The following MDGA2 variants were observed in gnomAD, a reference collection of about 807,000 sequenced individuals.
The protein encoded by MDGA2 is MAM domain containing glycosylphosphatidylinositol anchor 2.
MDGA2 carries 40 observed loss-of-function variants against 117.8 expected under a neutral mutation model. The ratio of observed to expected loss-of-function variants is 0.34; its 90% CI spans 0.26 to 0.44. MDGA2 has a LOEUF of 0.44. MDGA2 is among the 20% of genes least tolerant of loss of function. The pLI, the probability that MDGA2 is intolerant of heterozygous loss-of-function variation, is 1.00. For missense variants in MDGA2, 1,123 were observed against 1,250.6 expected, an observed-to-expected ratio of 0.90 and a Z score of 1.54; for synonymous variants, 452 against 439.0, an observed-to-expected ratio of 1.03 and a Z score of -0.37.
intron 1 of MDGA2, among the ~76,000 whole-genome samples, chr14:47,455,146 G>A (rs535155150): frequency 4.0e-4 from 61 of 152,298 alleles, no homozygotes; most frequent in Non-Finnish European, 7.4e-4. Flanking sequence ...TAACATTTCT[G>A]TTGTACAAAA....
In MDGA2 at chr14:47,005,560, G is replaced by A. The variant is rs867299733; in HGVS notation, c.1819+29451C>T. Among the ~76,000 whole-genome samples the A allele has an allele frequency of 2.6e-5, 4 of 151,428 alleles. No homozygotes were observed. In the South Asian group the frequency reaches 6.2e-4, roughly 24 times the overall value. Reference sequence around the variant, plus strand: ...TCCATGTTCATGAAGGATTTTGGTTGGTAGGGATTTTTTTACATTCTTGTA... The same window carrying A: ...TCCATGTTCATGAAGGATTTTGGTTAGTAGGGATTTTTTTACATTCTTGTA... On this transcript the variant is annotated intron_variant, in intron 8 of 16. Coordinates refer to ENST00000399232, the MANE Select transcript of MDGA2 (RefSeq NM_001113498.3).
chr14:46,896,349 A>G (rs1431446355), intron 10 of MDGA2, among the ~76,000 whole-genome samples: 1 of 152,184 alleles, frequency 6.6e-6, no homozygotes, highest in Non-Finnish European at 1.5e-5. Flanking sequence ...GTGAATACTT[A>G]CACAAATGTA....
At chr14:47,196,795 C>A (rs1885303373) in intron 3 of MDGA2, among the ~76,000 whole-genome samples, 1 of 152,138 alleles carries the variant, frequency 6.6e-6, no homozygotes, top group South Asian at 2.1e-4. Flanking sequence ...TAATAGGTAG[C>A]CTTTCAATGC....
At chr14:47,109,494 A>T (rs1204890261) in intron 5 of MDGA2, among the ~76,000 whole-genome samples, 1 of 152,150 alleles carries the variant, frequency 6.6e-6, no homozygotes, top group Non-Finnish European at 1.5e-5. Context: ...TCAGAGTAAA[A>T]AGGGTAGTGT....
intron 8 of MDGA2, among the ~76,000 whole-genome samples, chr14:46,990,906 C>T (rs922286454): frequency 1.0e-4 from 15 of 148,972 alleles, no homozygotes; most frequent in South Asian, 2.1e-4. Flanking sequence ...ACACACCCCG[C>T]GTAAGACACA....
At chr14:46,952,164 T>C (rs948136501) in intron 9 of MDGA2, among the ~76,000 whole-genome samples, 1 of 151,718 alleles carries the variant, frequency 6.6e-6, no homozygotes, top group Non-Finnish European at 1.5e-5. Context: ...TTAATCTTCT[T>C]AAAATAAAAT....
Position 47,675,042 on chromosome 14 carries a change from G to T in MDGA2, c.-246C>A. The T allele has an allele frequency of 5.6e-6, 1 of 178,216 alleles. No homozygotes were observed. Among genetic ancestry groups the T allele is most frequent in the Non-Finnish European group, 1.2e-5 (1 of 86,470 alleles). 11.0% of individuals were successfully genotyped at this position (178,216 alleles called of 1,614,324 possible). ...GGCGGCGGGCGCGGGCAGGGGGCCG[G>T]GGGTGCCGCGCGGTAGGAGCCTGGC... is the stretch of plus-strand genomic sequence containing the variant. On this transcript the variant is annotated 5_prime_UTR_variant, in exon 1 of 17. Transcript: ENST00000399232.
intron 1 of MDGA2, among the ~76,000 whole-genome samples, chr14:47,606,179 C>G (rs1020913779): frequency 5.3e-5 from 8 of 152,186 alleles, no homozygotes; most frequent in Non-Finnish European, 1.2e-4. Flanking sequence ...CCTTTCCATA[C>G]TCACTATTAT....
At chr14:47,528,092 A>G (rs1314031665) in intron 1 of MDGA2, among the ~76,000 whole-genome samples, 7 of 152,188 alleles carry the variant, frequency 4.6e-5, no homozygotes, top group Non-Finnish European at 1.0e-4. Context: ...TCCACATTTC[A>G]GAGCAAGCAC....
intron 1 of MDGA2, among the ~76,000 whole-genome samples, chr14:47,329,670 GA>G (rs1338941086): frequency 2.6e-5 from 4 of 151,786 alleles, no homozygotes; most frequent in Non-Finnish European, 5.9e-5. Flanking sequence ...TGAATACTTG[GA>G]AAGTCTCAAA....
At chr14:47,164,716 G>A (rs373681575) in intron 3 of MDGA2, among the ~76,000 whole-genome samples, 48 of 152,176 alleles carry the variant, frequency 3.2e-4, no homozygotes, top group African/African-American at 1.0e-3. Context: ...ATCTAGAACT[G>A]GAAATACCAT....
chr14:47,476,350 A>G (rs1893837034), intron 1 of MDGA2, among the ~76,000 whole-genome samples: 1 of 152,168 alleles, frequency 6.6e-6, no homozygotes, highest in Non-Finnish European at 1.5e-5. Flanking sequence ...ATAATGTTAA[A>G]TAAGTTTTAG....
chr14:47,074,922 C>G (rs1303700622), intron 6 of MDGA2, among the ~76,000 whole-genome samples: 1 of 152,196 alleles, frequency 6.6e-6, no homozygotes, highest in Non-Finnish European at 1.5e-5. Flanking sequence ...TGATGCAGCA[C>G]TTCAATCAAT....
intron 1 of MDGA2, among the ~76,000 whole-genome samples, chr14:47,509,609 G>A (rs1285721978): frequency 6.6e-5 from 10 of 152,272 alleles, no homozygotes; most frequent in Admixed American, 2.6e-4. Flanking sequence ...TTCCTACCAA[G>A]CCATGTGGAT....
intron 14 of MDGA2, among the ~76,000 whole-genome samples, chr14:46,862,285 G>A (rs1032970111): frequency 1.3e-5 from 2 of 151,706 alleles, no homozygotes; most frequent in African/African-American, 4.8e-5. Context: ...CAGCTCTTAT[G>A]TTTAAAGACT....
Position 46,842,022 on chromosome 14 carries a change from A to G in MDGA2, c.2990-3T>C, listed in dbSNP as rs758530592. On this transcript the variant is annotated splice_region_variant and splice_polypyrimidine_tract_variant and intron_variant, in intron 16 of 16. Coordinates refer to ENST00000399232, the MANE Select transcript of MDGA2 (RefSeq NM_001113498.3). ...CCCAACAGCACCATCAACGGAATCT[A>G]AAGATAAGGAAAATAAATGCAAACA... 3 of 1,602,916 alleles carry G rather than the reference A, an allele frequency of 1.9e-6. No individual in the cohort carries two copies. In the Middle Eastern group the frequency reaches 5.0e-4, roughly 266 times the overall value.
At chr14:47,122,125 A>G (rs913817987) in intron 5 of MDGA2, among the ~76,000 whole-genome samples, 2 of 151,972 alleles carry the variant, frequency 1.3e-5, no homozygotes, top group African/African-American at 4.8e-5. Flanking sequence ...ATAAATGTGA[A>G]ATTTTATTGT....
intron 2 of MDGA2, among the ~76,000 whole-genome samples, chr14:47,287,823 GC>G (rs1010798244): frequency 1.3e-5 from 2 of 152,106 alleles, no homozygotes; most frequent in Admixed American, 6.6e-5. Context: ...AATAGAGTGA[GC>G]CCTTAATCCA....
chr14:47,358,372 C>A (rs1246172544), intron 1 of MDGA2, among the ~76,000 whole-genome samples: 1 of 152,160 alleles, frequency 6.6e-6, no homozygotes, highest in Admixed American at 6.5e-5. Context: ...CCTTGTTAAA[C>A]CTTTCTTGGT....
Sources: allele counts gnomAD v4.1 joint callset (sites outside exome capture counted in the v4.1 genomes callset), GRCh38; gene constraint gnomAD v4.1.1; transcripts MANE v1.5; gene names NCBI Gene and HGNC (gene_info 2026-07-23, HGNC 2026-07-21).